TAOK3: variants seen among roughly 807,000 people sequenced by gnomAD.
The protein encoded by TAOK3 is TAO kinase 3, also known as serine/threonine-protein kinase TAO3.
A neutral mutation model predicts 120.4 loss-of-function variants in TAOK3; 40 were observed. That is an observed-to-expected ratio of 0.33 (90% CI 0.26 to 0.43). TAOK3 has a LOEUF of 0.43. TAOK3 is among the 20% of genes least tolerant of loss of function. The pLI is 1.00. For synonymous variants in TAOK3, 355 were observed against 387.5 expected (o/e 0.92, Z 0.99); for missense variants, 821 against 1,112.1 (o/e 0.74, Z 3.72).
At chr12:118,196,341 T>G (rs897089973) in intron 13 of TAOK3, among the ~76,000 whole-genome samples, 23 of 152,132 alleles carry the variant, frequency 1.5e-4, no homozygotes, top group African/African-American at 5.6e-4. Context: ...TTTTATTTAT[T>G]TTTTTAAGGT....
intron 16 of TAOK3, 29 bp downstream of exon 16, chr12:118,177,172 T>G: frequency 6.2e-7 from 1 of 1,607,674 alleles, no homozygotes; most frequent in Non-Finnish European, 8.5e-7. Flanking sequence ...TAATGGCAAC[T>G]TGGTGAGAAC....
chr12:118,235,809 C>A, intron 7 of TAOK3, 138 bp from the exon 8 acceptor site: 1 of 600,438 alleles, frequency 1.7e-6, no homozygotes, highest in Non-Finnish European at 2.9e-6. Context: ...CTCAGATAGC[C>A]AGAAGGAGAT....
intron 1 of TAOK3, among the ~76,000 whole-genome samples, chr12:118,355,522 A>G (rs544018369): frequency 1.1e-4 from 17 of 152,330 alleles, no homozygotes; most frequent in Admixed American, 9.8e-4. Context: ...CCTTCTTCCT[A>G]TCCCCTTGGA....
intron 1 of TAOK3, among the ~76,000 whole-genome samples, chr12:118,324,845 C>T (rs2043867718): frequency 6.7e-6 from 1 of 148,624 alleles, no homozygotes; most frequent in Non-Finnish European, 1.5e-5. Context: ...CCCGGGTTCA[C>T]GCCATTCTCC....
At chr12:118,288,333 T>G (rs558195225) in intron 1 of TAOK3, among the ~76,000 whole-genome samples, 95 of 152,112 alleles carry the variant, frequency 6.2e-4, no homozygotes, top group African/African-American at 2.2e-3. Flanking sequence ...GTGACTGTAT[T>G]TGGAGATAGG....
intron 1 of TAOK3, among the ~76,000 whole-genome samples, chr12:118,326,851 C>T (rs1225401748): frequency 6.6e-6 from 1 of 152,102 alleles, no homozygotes; most frequent in Admixed American, 6.5e-5. Flanking sequence ...AGAAAATTTT[C>T]TTCTGCACTT....
At chr12:118,219,919 G>A (rs1233398379) in intron 9 of TAOK3, among the ~76,000 whole-genome samples, 1 of 141,364 alleles carries the variant, frequency 7.1e-6, no homozygotes, top group African/African-American at 2.7e-5. Context: ...TGGCTTATTT[G>A]CATAATTATT....
rs1442841934 is a variant in TAOK3 at position 118,370,213 on chromosome 12, C to T, written c.-194+2435G>A. Among the ~76,000 whole-genome samples, 9 of 152,156 alleles carry T rather than the reference C, an allele frequency of 5.9e-5. No homozygotes were observed. In the East Asian group the frequency reaches 1.7e-3, roughly 29 times the overall value. ...TCATAACCACATCAAGCTGCACACT[C>T]TCTGAAGCCATAGAAGAACTGCTCT... On this transcript the variant is annotated intron_variant, in intron 1 of 20. Transcript: ENST00000392533.
intron 1 of TAOK3, among the ~76,000 whole-genome samples, chr12:118,271,436 C>T (rs2041695569): frequency 1.3e-5 from 2 of 152,136 alleles, no homozygotes; most frequent in South Asian, 4.1e-4. Flanking sequence ...CGGAATCATA[C>T]AATATGTGGT....
intron 5 of TAOK3, among the ~76,000 whole-genome samples, chr12:118,239,797 C>T (rs1236318418): frequency 6.6e-6 from 1 of 152,162 alleles, no homozygotes; most frequent in Non-Finnish European, 1.5e-5. Flanking sequence ...TGTATCATTA[C>T]ATTACCTTGA....
chr12:118,194,646 G>A (rs2037616212), intron 13 of TAOK3, among the ~76,000 whole-genome samples: 2 of 148,148 alleles, frequency 1.3e-5, no homozygotes, highest in Non-Finnish European at 3.0e-5. Context: ...TCCCGCAAAG[G>A]TGGTGAAAGC....
intron 9 of TAOK3, among the ~76,000 whole-genome samples, chr12:118,231,066 A>T (rs1033092867): frequency 6.6e-6 from 1 of 152,178 alleles, no homozygotes; most frequent in African/African-American, 2.4e-5. Context: ...GATCTCCAAG[A>T]TATTATTAAG....
chr12:118,214,109 C>T lies in TAOK3; in HGVS notation c.645G>A (p.Ala215=), dbSNP rs560948915. 4.1e-5 allele frequency: 66 copies of T among 1,606,802 alleles called. No individual in the cohort carries two copies. The highest frequency in any genetic ancestry group is 1.8e-4 in the East Asian group (8 of 44,614). Residue 215 remains alanine, a splice_region_variant and synonymous_variant, in exon 10 of 21, where the codon GCG becomes GCA. Transcript: ENST00000392533. ...WSLGITCIEL[A]ERKPPLFNMN... is the part of the protein sequence containing the mutation. Reference sequence around the variant, plus strand: ...TGTTGAAAAGGGGCGGCTTCCGTTCCGCTGGAAGAGGAAAGAAACACAATA... The same window carrying T: ...TGTTGAAAAGGGGCGGCTTCCGTTCTGCTGGAAGAGGAAAGAAACACAATA...
At chr12:118,258,300 A>G (rs1300591315) in intron 2 of TAOK3, among the ~76,000 whole-genome samples, 1 of 152,206 alleles carries the variant, frequency 6.6e-6, no homozygotes, top group Non-Finnish European at 1.5e-5. Flanking sequence ...AATCCTAGGC[A>G]GTCATCCTGC....
chr12:118,232,654 C>T (rs1393381396), intron 9 of TAOK3, among the ~76,000 whole-genome samples: 2 of 151,980 alleles, frequency 1.3e-5, no homozygotes, highest in Non-Finnish European at 2.9e-5. Flanking sequence ...ATCTATAATC[C>T]CAGTGCTTTG....
At chr12:118,194,083 C>T (rs934629746) in intron 13 of TAOK3, among the ~76,000 whole-genome samples, 2 of 152,070 alleles carry the variant, frequency 1.3e-5, no homozygotes, top group African/African-American at 4.8e-5. Context: ...AAAAACCTGC[C>T]ACTCTGTACT....
At chr12:118,314,782 A>C (rs960185603) in intron 1 of TAOK3, among the ~76,000 whole-genome samples, 1 of 152,200 alleles carries the variant, frequency 6.6e-6, no homozygotes, top group Admixed American at 6.5e-5. Context: ...ATCAATTATT[A>C]TCAAGACCAG....
At chr12:118,367,036 C>T (rs375691566) in intron 1 of TAOK3, among the ~76,000 whole-genome samples, 9 of 152,212 alleles carry the variant, frequency 5.9e-5, no homozygotes, top group Middle Eastern at 3.4e-3. Flanking sequence ...CTAGCCTGGG[C>T]GACAGAGTAA....
At chr12:118,229,088 T>G (rs1181756861) in intron 9 of TAOK3, among the ~76,000 whole-genome samples, 1 of 151,772 alleles carries the variant, frequency 6.6e-6, no homozygotes, top group African/African-American at 2.4e-5. Context: ...GTTGTTTGGC[T>G]TTTTCTTTTT....
Sources: gnomAD v4.1 joint callset for allele counts (sites outside exome capture counted in the v4.1 genomes callset) on GRCh38, gnomAD v4.1.1 for gene constraint, MANE v1.5 for transcripts, NCBI Gene and HGNC (gene_info 2026-07-23, HGNC 2026-07-21) for gene names.